Variants in NKAIN3 observed in about 807,000 individuals in gnomAD.
The protein encoded by NKAIN3 is sodium/potassium-transporting ATPase subunit beta-1-interacting protein 3.
Under a neutral mutation model 30.2 loss-of-function variants are expected in NKAIN3, and 25 were observed. The ratio of observed to expected loss-of-function variants is 0.83; its 90% CI spans 0.60 to 1.16. NKAIN3 has a LOEUF of 1.16. Ranked by LOEUF, NKAIN3 falls within the 50% of genes most tolerant of loss-of-function variation. The pLI is 0.00. For synonymous variants in NKAIN3, 91 were observed against 89.6 expected (o/e 1.02, Z -0.09); for missense variants, 225 against 254.1 (o/e 0.89, Z 0.78).
intron 4 of NKAIN3, among the ~76,000 whole-genome samples, chr8:62,835,128 G>A (rs945463498): frequency 3.3e-5 from 5 of 152,028 alleles, no homozygotes; most frequent in Non-Finnish European, 7.4e-5. Context: ...GCCACATTCA[G>A]AAGAATAAAT....
chr8:62,486,570 C>T (rs16929026), intron 1 of NKAIN3, among the ~76,000 whole-genome samples: 10,952 of 152,114 alleles, frequency 0.072, 493 homozygotes, highest in African/African-American at 0.13. Flanking sequence ...GTGGGGCATC[C>T]CTTGCACTTG....
intron 4 of NKAIN3, among the ~76,000 whole-genome samples, chr8:62,849,614 C>A (rs1174352230): frequency 2.1e-5 from 3 of 144,080 alleles, no homozygotes; most frequent in South Asian, 2.4e-4. Flanking sequence ...CCCCACCCAC[C>A]CCACAACAGG....
intron 1 of NKAIN3, among the ~76,000 whole-genome samples, chr8:62,371,802 C>T (rs1585733722): frequency 6.6e-6 from 1 of 151,710 alleles, no homozygotes; most frequent in Non-Finnish European, 1.5e-5. Context: ...GTTGCTGTTT[C>T]TAGTTTCAGA....
At chr8:62,506,476 CTTTTTTT>C (rs71255341) in intron 1 of NKAIN3, among the ~76,000 whole-genome samples, 1 of 98,438 alleles carries the variant, frequency 1.0e-5, no homozygotes, top group African/African-American at 4.1e-5. Context: ...TTCTTTCTTT[CTTTTTTT>C]TTTTTTTTTG....
In NKAIN3 at chr8:62,981,827, A is replaced by G. The variant is rs1220158222; in HGVS notation, c.*16420A>G. On this transcript the variant is annotated 3_prime_UTR_variant, in exon 7 of 7. Transcript: ENST00000623646. The stretch of plus-strand genomic sequence containing the variant: ...TCTAAAACTCCTGAGTTTTACATGT[A>G]CCCTAAAACTTAAAGTATAGTAAAA... The G allele has an allele frequency of 6.6e-6, 1 of 151,994 alleles. No homozygotes were observed. Among genetic ancestry groups the G allele is most frequent in the Non-Finnish European group, 1.5e-5 (1 of 67,998 alleles). 9.4% of individuals were successfully genotyped at this position (151,994 alleles called of 1,614,324 possible).
At chr8:62,486,901 CT>C (rs1438053323) in intron 1 of NKAIN3, among the ~76,000 whole-genome samples, 2 of 152,130 alleles carry the variant, frequency 1.3e-5, no homozygotes, top group Admixed American at 1.3e-4. Flanking sequence ...GGGAAGTGTT[CT>C]TGCTGCTGTT....
At chr8:62,776,366 C>T (rs1353896814) in intron 4 of NKAIN3, among the ~76,000 whole-genome samples, 1 of 150,562 alleles carries the variant, frequency 6.6e-6, no homozygotes, top group East Asian at 1.9e-4. Flanking sequence ...TTTCTTCTTC[C>T]TTCCTATCTT....
At chr8:62,757,871 G>T (rs1816506279) in intron 4 of NKAIN3, among the ~76,000 whole-genome samples, 1 of 152,202 alleles carries the variant, frequency 6.6e-6, no homozygotes, top group Non-Finnish European at 1.5e-5. Flanking sequence ...TTGGGCCTTT[G>T]CAGTAAGTCA....
At chr8:62,499,998 G>A (rs151227164) in intron 1 of NKAIN3, among the ~76,000 whole-genome samples, 1 of 152,072 alleles carries the variant, frequency 6.6e-6, no homozygotes, top group African/African-American at 2.4e-5. Context: ...AGGAAGATCA[G>A]ACCTAGCATT....
intron 1 of NKAIN3, among the ~76,000 whole-genome samples, chr8:62,492,568 G>C (rs1807103963): frequency 6.6e-6 from 1 of 152,068 alleles, no homozygotes; most frequent in South Asian, 2.1e-4. Context: ...ATAATGGTCT[G>C]AACACATATC....
At chr8:62,411,455 C>G (rs902211641) in intron 1 of NKAIN3, among the ~76,000 whole-genome samples, 4 of 152,078 alleles carry the variant, frequency 2.6e-5, no homozygotes, top group African/African-American at 9.7e-5. Flanking sequence ...ATTGAATGGG[C>G]AAAAGCTGGA....
intron 1 of NKAIN3, among the ~76,000 whole-genome samples, chr8:62,357,135 C>T (rs1286824110): frequency 6.6e-6 from 1 of 150,514 alleles, no homozygotes; most frequent in East Asian, 2.0e-4. Flanking sequence ...ACAAAAAAGG[C>T]ATTCCAGGAC....
chr8:62,499,677 T>G (rs1362154214), intron 1 of NKAIN3, among the ~76,000 whole-genome samples: 10 of 152,162 alleles, frequency 6.6e-5, no homozygotes. Flanking sequence ...GTGACAAGAT[T>G]AGGACTTATA....
At chr8:62,669,983 A>G (rs775288324) in intron 3 of NKAIN3, among the ~76,000 whole-genome samples, 3 of 152,062 alleles carry the variant, frequency 2.0e-5, no homozygotes, top group Admixed American at 6.6e-5. Context: ...CAAACTCCCA[A>G]TGTTTTTTTC....
chr8:62,781,426 T>A (rs1817350669), intron 4 of NKAIN3, among the ~76,000 whole-genome samples: 3 of 150,614 alleles, frequency 2.0e-5, no homozygotes, highest in African/African-American at 7.3e-5. Flanking sequence ...AAAAAAAAAA[T>A]CTTAAAATGT....
chr8:62,870,280 A>AT (rs1586292202), intron 4 of NKAIN3, among the ~76,000 whole-genome samples: 23 of 107,716 alleles, frequency 2.1e-4, no homozygotes, highest in South Asian at 5.2e-4. Flanking sequence ...AGATATATAT[A>AT]AATATCTATA....
chr8:62,880,298 A>T (rs1269948302), intron 4 of NKAIN3, among the ~76,000 whole-genome samples: 1 of 152,204 alleles, frequency 6.6e-6, no homozygotes, highest in African/African-American at 2.4e-5. Context: ...CCCATCTCTC[A>T]GTGAAGCCAG....
chr8:62,459,827 A>G (rs1248174362), intron 1 of NKAIN3, among the ~76,000 whole-genome samples: 1 of 152,188 alleles, frequency 6.6e-6, no homozygotes, highest in African/African-American at 2.4e-5. Context: ...AGAATACAGT[A>G]AGAAATGAGT....
chr8:62,604,466 T>A (rs1811067163), intron 3 of NKAIN3, among the ~76,000 whole-genome samples: 1 of 152,132 alleles, frequency 6.6e-6, no homozygotes, highest in Non-Finnish European at 1.5e-5. Flanking sequence ...ACTTAAAGGC[T>A]AGTTTTTGTC....
Sources: gnomAD v4.1 joint callset for allele counts (sites outside exome capture counted in the v4.1 genomes callset) on GRCh38, gnomAD v4.1.1 for gene constraint, MANE v1.5 for transcripts, NCBI Gene and HGNC (gene_info 2026-07-23, HGNC 2026-07-21) for gene names.